Variants in LINGO2 observed in about 807,000 individuals in gnomAD.
The protein encoded by LINGO2 is leucine-rich repeat and immunoglobulin-like domain-containing nogo receptor-interacting protein 2.
In LINGO2, 14 loss-of-function variants were observed where a neutral mutation model predicts 30.6. The ratio of observed to expected loss-of-function variants is 0.46; its 90% CI spans 0.30 to 0.72. The LOEUF (loss-of-function observed/expected upper bound fraction) is 0.72. Ranked by LOEUF, LINGO2 falls within the 30% of genes least tolerant of loss-of-function variation. The pLI, the probability that LINGO2 is intolerant of heterozygous loss-of-function variation, is 0.07. For missense variants in LINGO2, 729 were observed against 751.7 expected, an observed-to-expected ratio of 0.97 and a Z score of 0.35; for synonymous variants, 317 against 288.5, an observed-to-expected ratio of 1.10 and a Z score of -1.00.
intron 4 of LINGO2, among the ~76,000 whole-genome samples, chr9:28,101,849 T>G (rs944462780): frequency 6.6e-6 from 1 of 152,182 alleles, no homozygotes; most frequent in Non-Finnish European, 1.5e-5. Flanking sequence ...AGAAAGAGTT[T>G]ATGAAAAGTC....
chr9:28,010,036 T>C (rs1822477166), intron 5 of LINGO2, among the ~76,000 whole-genome samples: 1 of 152,194 alleles, frequency 6.6e-6, no homozygotes, highest in African/African-American at 2.4e-5. Flanking sequence ...GAAGTATCCT[T>C]TGACAATAAA....
intron 1 of LINGO2, among the ~76,000 whole-genome samples, chr9:28,494,234 A>G (rs533011800): frequency 1.2e-4 from 19 of 152,146 alleles, no homozygotes; most frequent in African/African-American, 4.3e-4. Flanking sequence ...TTTTTAAATC[A>G]TACTTTAAGC....
At chr9:27,969,770 C>T (rs933788698) in intron 5 of LINGO2, among the ~76,000 whole-genome samples, 1 of 152,016 alleles carries the variant, frequency 6.6e-6, no homozygotes, top group Admixed American at 6.6e-5. Flanking sequence ...ATTCCTATCC[C>T]TTTAACAGAA....
chr9:28,853,069 A>C, the LINGO2 span, among the ~76,000 whole-genome samples: 1 of 152,034 alleles, frequency 6.6e-6, no homozygotes, highest in South Asian at 2.1e-4. Context: ...TGTGGCTCCC[A>C]GCTTTTATTC....
chr9:28,505,179 T>C (rs1264955006), intron 1 of LINGO2, among the ~76,000 whole-genome samples: 1 of 151,962 alleles, frequency 6.6e-6, no homozygotes, highest in Non-Finnish European at 1.5e-5. Context: ...CAAATTATTT[T>C]ATGTTTAAGA....
intron 2 of LINGO2, among the ~76,000 whole-genome samples, chr9:28,378,277 A>G (rs758391040): frequency 2.6e-5 from 4 of 152,198 alleles, no homozygotes; most frequent in Admixed American, 6.6e-5. Context: ...CTTTAGTTCT[A>G]TCTTTAATTG....
the LINGO2 span, among the ~76,000 whole-genome samples, chr9:28,977,315 A>C: frequency 2.0e-5 from 3 of 152,054 alleles, no homozygotes; most frequent in Non-Finnish European, 4.4e-5. Flanking sequence ...TTTAATCAAC[A>C]CAGGGTAAAT....
chr9:28,816,441 C>A, the LINGO2 span, among the ~76,000 whole-genome samples: 1 of 152,076 alleles, frequency 6.6e-6, no homozygotes. Context: ...CTTTTTAAAT[C>A]AGGAATCAAG....
the LINGO2 span, among the ~76,000 whole-genome samples, chr9:28,929,180 G>A: frequency 3.3e-5 from 5 of 152,138 alleles, no homozygotes; most frequent in Non-Finnish European, 7.3e-5. Flanking sequence ...ACTTCACGTG[G>A]GTTGCCTGCT....
intron 1 of LINGO2, among the ~76,000 whole-genome samples, chr9:28,591,202 A>AATGCTAAATG (rs1824889868): frequency 6.6e-6 from 1 of 152,022 alleles, no homozygotes; most frequent in African/African-American, 2.4e-5. Context: ...AGATATACCT[A>AATGCTAAATG]ATGCTAAATG....
intron 4 of LINGO2, among the ~76,000 whole-genome samples, chr9:28,266,511 C>T (rs1822755879): frequency 6.6e-6 from 1 of 151,972 alleles, no homozygotes; most frequent in Non-Finnish European, 1.5e-5. Flanking sequence ...TGCTTAGACA[C>T]CCTACAATTT....
intron 1 of LINGO2, among the ~76,000 whole-genome samples, chr9:28,632,690 TTA>T (rs1191404939): frequency 9.2e-6 from 1 of 108,382 alleles, no homozygotes; most frequent in African/African-American, 3.3e-5. Context: ...AAAAATATAT[TTA>T]TATAGATCTA....
the LINGO2 span, among the ~76,000 whole-genome samples, chr9:28,810,448 T>C: frequency 1.3e-5 from 2 of 152,154 alleles, no homozygotes; most frequent in East Asian, 3.9e-4. Context: ...CAGCAGGGAT[T>C]GTAAGGAGAT....
chr9:28,304,207 T>A lies in LINGO2; in HGVS notation c.-245-8841A>T, dbSNP rs182721028. 4.1e-3 allele frequency among the ~76,000 whole-genome samples: 619 copies of A among 151,206 alleles called. 6 individuals carry two copies. Among genetic ancestry groups the A allele is most frequent in the African/African-American group, 0.014 (598 of 41,374 alleles). On this transcript the variant is annotated intron_variant, in intron 3 of 5. Transcript: ENST00000379992. ...CAAAAAATCCTTACTGATACAGAAATTTGTTCTTTGAAAATTTTAAATAAT... is the reference window on the plus strand; with the variant it reads ...CAAAAAATCCTTACTGATACAGAAAATTGTTCTTTGAAAATTTTAAATAAT...
At chr9:28,829,446 A>T in the LINGO2 span, among the ~76,000 whole-genome samples, 1 of 152,218 alleles carries the variant, frequency 6.6e-6, no homozygotes, top group Non-Finnish European at 1.5e-5. Flanking sequence ...GACCTAAGCC[A>T]TTCACAGATG....
chr9:28,796,519 T>C, the LINGO2 span, among the ~76,000 whole-genome samples: 1 of 152,036 alleles, frequency 6.6e-6, no homozygotes, highest in Non-Finnish European at 1.5e-5. Flanking sequence ...ATGACGAAAA[T>C]TAGCTAAATG....
chr9:28,272,058 G>T (rs1025565661), intron 4 of LINGO2, among the ~76,000 whole-genome samples: 4 of 152,136 alleles, frequency 2.6e-5, no homozygotes, highest in African/African-American at 4.8e-5. Context: ...GACCTTTCCT[G>T]CATCCTTACT....
intron 2 of LINGO2, among the ~76,000 whole-genome samples, chr9:28,397,957 A>G (rs776773460): frequency 1.3e-5 from 2 of 152,206 alleles, no homozygotes; most frequent in Non-Finnish European, 2.9e-5. Flanking sequence ...GCTATTACAC[A>G]TGTACTCCAA....
At position 28,663,407 on chromosome 9, in the gene LINGO2, A is replaced by G. The variant is rs369027088; in HGVS notation, c.-365+6793T>C. The stretch of plus-strand genomic sequence containing the variant: ...GCTGGGCTTGAACTCCTGACCTCAG[A>G]TGATCCACCTGCCTTGGTCTCCAAA... On this transcript the variant is annotated intron_variant, in intron 1 of 5. Transcript: ENST00000379992. Among the ~76,000 whole-genome samples, 32 of 152,184 alleles carry G rather than the reference A, an allele frequency of 2.1e-4. 1 individual carries two copies. The highest frequency in any genetic ancestry group is 7.5e-4 in the African/African-American group (31 of 41,526).
Sources: allele counts gnomAD v4.1 joint callset (sites outside exome capture counted in the v4.1 genomes callset), GRCh38; gene constraint gnomAD v4.1.1; transcripts MANE v1.5; gene names NCBI Gene and HGNC (gene_info 2026-07-23, HGNC 2026-07-21).